The following CYP4V2 variants were observed in gnomAD, a reference collection of about 807,000 sequenced individuals.
CYP4V2 encodes the protein cytochrome P450 4V2.
In CYP4V2, 55 loss-of-function variants were observed where a neutral mutation model predicts 60.8. The ratio of observed to expected loss-of-function variants is 0.90; its 90% CI spans 0.73 to 1.13. CYP4V2 has a LOEUF of 1.13. Ranked by LOEUF, CYP4V2 falls within the 50% of genes most tolerant of loss-of-function variation. The pLI is 0.00. For missense variants in CYP4V2, 675 were observed against 662.9 expected (o/e 1.02, Z -0.20); for synonymous variants, 239 against 236.8 (o/e 1.01, Z -0.08).
chr4:186,198,310 C>T (rs886152856), intron 5 of CYP4V2, among the ~76,000 whole-genome samples: 2 of 152,054 alleles, frequency 1.3e-5, no homozygotes. Flanking sequence ...AGGCAGGCAA[C>T]GGACAAAGAA....
At chr4:186,201,628 T>C in intron 7 of CYP4V2, 1 of 308,006 alleles carries the variant, frequency 3.2e-6, no homozygotes, top group Non-Finnish European at 6.2e-6. Flanking sequence ...CAGCCAGAGA[T>C]TGCTCTCAGT....
Position 186,196,081 on chromosome 4 carries a change from C to T in CYP4V2, c.406C>T (p.Leu136Phe), listed in dbSNP as rs776440884. The part of the protein sequence containing the change: ...FLEPWLGLGL[L>F]TSTGNKWRSR... ...AGAACCATGGCTTGGCCTAGGACTT[C>T]TTACAAGGTATGCCAGTGTACCTTT... Residue 136 changes from leucine to phenylalanine, a missense_variant, in exon 3 of 11, where the codon CTT becomes TTT. Physicochemically the swap from Leu to Phe is conservative, Grantham distance 22. Coordinates refer to ENST00000378802, the MANE Select transcript of CYP4V2 (RefSeq NM_207352.4). The T allele has an allele frequency of 2.5e-6, 4 of 1,613,360 alleles. No individual in the cohort carries two copies. The highest frequency in any genetic ancestry group is 2.5e-6 in the Non-Finnish European group (3 of 1,179,270).
chr4:186,210,542 C>T lies in CYP4V2; in HGVS notation c.1479C>T (p.Asn493=), dbSNP rs374270799. The stretch of plus-strand genomic sequence containing the variant: ...TGAGGCACTTTTGGATAGAATCCAA[C>T]CAGAAAAGAGAAGAGCTTGGTCTAG... ...CILRHFWIES[N]QKREELGLEG... is the part of the protein sequence containing the mutation. The change falls in exon 11 of 11, where the codon AAC becomes AAT. Residue 493 remains asparagine (N), a synonymous_variant. Coordinates refer to ENST00000378802, the MANE Select transcript of CYP4V2 (RefSeq NM_207352.4). 204 of 1,614,098 alleles carry T rather than the reference C, an allele frequency of 1.3e-4. 2 individuals carry two copies. In the South Asian group the frequency reaches 2.1e-3, roughly 16 times the overall value.
chr4:186,192,376 G>A (rs1736017288), intron 1 of CYP4V2: 1 of 518,248 alleles, frequency 1.9e-6, no homozygotes, highest in Non-Finnish European at 3.7e-6. Flanking sequence ...GAAGCTCCCT[G>A]GGAGCACAGA....
At chr4:186,208,526 G>T (rs560423729) in intron 8 of CYP4V2, among the ~76,000 whole-genome samples, 1 of 151,588 alleles carries the variant, frequency 6.6e-6, no homozygotes, top group East Asian at 2.0e-4. Context: ...GTTCTTTGAT[G>T]GGTATTTGAT....
Position 186,195,126 on chromosome 4 carries a change from G to C in CYP4V2, c.327+514G>C, listed in dbSNP as rs1053098256. ...GTCTTTTTACTTGTTGAAAGGTCTG[G>C]GGAAATCATCTTGTAGTATGGTGAG... On this transcript the variant is annotated intron_variant, in intron 2 of 10. Transcript: ENST00000378802. The surrounding 1 kb of genome is among the most constrained non-coding windows in gnomAD (Gnocchi z 4.1). 6.6e-6 allele frequency among the ~76,000 whole-genome samples: 1 copy of C among 152,130 alleles called. No homozygotes were observed. Among genetic ancestry groups the C allele is most frequent in the Non-Finnish European group, 1.5e-5 (1 of 68,030 alleles).
chr4:186,199,161 G>C (rs1470061354), intron 6 of CYP4V2, 78 bp downstream of exon 6: 3 of 1,469,054 alleles, frequency 2.0e-6, no homozygotes, highest in African/African-American at 1.4e-5. Context: ...TAACTGTACA[G>C]TTTGGTGGTA....
At chr4:186,206,479 G>A (rs1736510218) in intron 8 of CYP4V2, among the ~76,000 whole-genome samples, 1 of 152,096 alleles carries the variant, frequency 6.6e-6, no homozygotes, top group Admixed American at 6.5e-5. Context: ...GTGTCATATG[G>A]CCCCCAATAG....
chr4:186,195,769 A>G lies in CYP4V2; in HGVS notation c.328-234A>G, dbSNP rs573094856. 2.3e-4 allele frequency among the ~76,000 whole-genome samples: 35 copies of G among 152,238 alleles called. No homozygotes were observed. Among genetic ancestry groups the G allele is most frequent in the African/African-American group, 7.9e-4 (33 of 41,548 alleles). Reference sequence around the variant, plus strand: ...GGTTTATGGCGGGAACCAGAGAATCATCTGGGACATCTTTCTTCCCCCCAA... The same window carrying G: ...GGTTTATGGCGGGAACCAGAGAATCGTCTGGGACATCTTTCTTCCCCCCAA... On this transcript the variant is annotated intron_variant, in intron 2 of 10. Coordinates refer to ENST00000378802, the MANE Select transcript of CYP4V2 (RefSeq NM_207352.4). This position sits in a 1 kb window ranked among gnomAD's most constrained non-coding sequence, Gnocchi z 4.1.
chr4:186,209,258 C>T lies in CYP4V2; in HGVS notation c.1391C>T (p.Pro464Leu). ...PYAYVPFSAGPRNCIGQKFAV... is the reference protein window; with the variant it reads ...PYAYVPFSAGLRNCIGQKFAV... ...GCCTACGTGCCCTTCTCTGCTGGCC[C>T]CAGGAACTGTATAGGTTTGTATCCA... Residue 464 changes from proline (P) to leucine (L), a missense_variant, in exon 10 of 11, where the codon CCC (proline) becomes CTC (leucine). Physicochemically the swap from Pro to Leu is moderately conservative, Grantham distance 98. Coordinates refer to ENST00000378802, the MANE Select transcript of CYP4V2 (RefSeq NM_207352.4). 6.2e-7 allele frequency: 1 copy of T among 1,613,918 alleles called. No individual in the cohort carries two copies. The highest frequency in any genetic ancestry group is 1.1e-5 in the South Asian group (1 of 91,048).
rs753301879 is a variant in CYP4V2 at position 186,195,321 on chromosome 4, C to T, written c.328-682C>T. The stretch of plus-strand genomic sequence containing the variant: ...CAGAATCCTGGCTCAGAGAAGAGAG[C>T]AAGAAGGGCAGACAGGATTTCTGCC... On this transcript the variant is annotated intron_variant, in intron 2 of 10. Coordinates refer to ENST00000378802, the MANE Select transcript of CYP4V2 (RefSeq NM_207352.4). This position sits in a 1 kb window ranked among gnomAD's most constrained non-coding sequence, Gnocchi z 4.1. 3.3e-5 allele frequency among the ~76,000 whole-genome samples: 5 copies of T among 152,172 alleles called. No homozygotes were observed. Among genetic ancestry groups the T allele is most frequent in the Non-Finnish European group, 7.4e-5 (5 of 68,016 alleles).
intron 1 of CYP4V2, 142 bp from the exon 2 acceptor site, chr4:186,194,358 A>G: frequency 1.4e-6 from 1 of 734,964 alleles, no homozygotes; most frequent in Non-Finnish European, 2.4e-6. Context: ...GGCAGTTCAC[A>G]CATGCTCTCT....
At position 186,205,726 on chromosome 4, in the gene CYP4V2, A is replaced by C. The variant is rs1736477273; in HGVS notation, c.1090+424A>C. Among the ~76,000 whole-genome samples the C allele has an allele frequency of 5.9e-5, 9 of 152,318 alleles. No homozygotes were observed. The South Asian group carries it at 1.7e-3, about 28-fold the overall frequency. ...TAAAAAGGTGGATTAAGCTTCGAGG[A>C]GATACATTTCTATTACACAGCAAGC... On this transcript the variant is annotated intron_variant, in intron 8 of 10. Coordinates refer to ENST00000378802, the MANE Select transcript of CYP4V2 (RefSeq NM_207352.4).
intron 7 of CYP4V2, chr4:186,204,925 C>T (rs1736451330): frequency 4.1e-6 from 2 of 485,642 alleles, no homozygotes; most frequent in Admixed American, 6.6e-5. Flanking sequence ...ACCTCGTGCC[C>T]ATGGAACGCC....
rs569381683 is a variant in CYP4V2, at chr4:186,196,148, G to T, written c.413+60G>T. 2.9e-6 allele frequency: 4 copies of T among 1,387,880 alleles called. No homozygotes were observed. The East Asian group carries it at 9.1e-5, about 32-fold the overall frequency. 86.0% of individuals were successfully genotyped at this position (1,387,880 alleles called of 1,614,324 possible). ...AAATGGTTACTTCTACGTGCAACTTGTTATTTCAAGAATTAACACAGGGTA... is the reference window on the plus strand; with the variant it reads ...AAATGGTTACTTCTACGTGCAACTTTTTATTTCAAGAATTAACACAGGGTA... On this transcript the variant is annotated intron_variant, in intron 3 of 10. Transcript: ENST00000378802.
At chr4:186,198,839 C>A in intron 5 of CYP4V2, 118 bp from the exon 6 acceptor site, 2 of 1,476,510 alleles carry the variant, frequency 1.4e-6, no homozygotes, top group South Asian at 2.3e-5. Context: ...TCTTAGTAGC[C>A]TCTAAGACAA....
chr4:186,207,081 T>G (rs1199808774), intron 8 of CYP4V2, among the ~76,000 whole-genome samples: 4 of 152,042 alleles, frequency 2.6e-5, no homozygotes, highest in African/African-American at 9.7e-5. Context: ...TGTGCCTCAC[T>G]TTTTCTTCTA....
chr4:186,213,136 T>C lies in CYP4V2; in HGVS notation c.*2495T>C, dbSNP rs1736783488. On this transcript the variant is annotated 3_prime_UTR_variant, in exon 11 of 11. Transcript: ENST00000378802. ...TTACCTTTTGGCTTGAGAATGTCTT[T>C]CAGCTCCAGAATTATTGTTACTCAT... 6.6e-6 allele frequency: 1 copy of C among 152,194 alleles called. No individual in the cohort carries two copies. Among genetic ancestry groups the C allele is most frequent in the Non-Finnish European group, 1.5e-5 (1 of 68,038 alleles). 9.4% of individuals were successfully genotyped at this position (152,194 alleles called of 1,614,324 possible). A position where few individuals can be genotyped will look rare whatever the true frequency, so the allele number is the denominator to read the frequency against.
At chr4:186,194,429 C>A in intron 1 of CYP4V2, 71 bp from the exon 2 acceptor site, 1 of 1,344,108 alleles carries the variant, frequency 7.4e-7, no homozygotes, top group Non-Finnish European at 1.1e-6. Flanking sequence ...AATGAGAAAA[C>A]AAACCTTTGT....
Sources: gnomAD v4.1 joint callset for allele counts (sites outside exome capture counted in the v4.1 genomes callset) on GRCh38, gnomAD v4.1.1 for gene constraint, Gnocchi (gnomAD v3.1) non-coding constraint, MANE v1.5 for transcripts, NCBI Gene and HGNC (gene_info 2026-07-23, HGNC 2026-07-21) for gene names.